PTPRA: variants seen among roughly 807,000 people sequenced by gnomAD.
The protein encoded by PTPRA is receptor-type tyrosine-protein phosphatase alpha.
Under a neutral mutation model 104.8 loss-of-function variants are expected in PTPRA, and 25 were observed. That is an observed-to-expected ratio of 0.24 (90% CI 0.17 to 0.33). PTPRA has a LOEUF of 0.33. Among genes scored for constraint, PTPRA ranks in the 10% least tolerant of loss-of-function variants. The probability of loss-of-function intolerance (pLI) is 1.00; values close to 1 mark genes in which losing one functional copy is unlikely to be tolerated. For synonymous variants in PTPRA, 323 were observed against 368.9 expected, an observed-to-expected ratio of 0.88 and a Z score of 1.43; for missense variants, 765 against 1,015.3, an observed-to-expected ratio of 0.75 and a Z score of 3.35.
chr20:3,031,163 A>G (rs1320069951), intron 20 of PTPRA, among the ~76,000 whole-genome samples: 1 of 152,114 alleles, frequency 6.6e-6, no homozygotes, highest in Non-Finnish European at 1.5e-5. Context: ...GTGAAACCTG[A>G]TAGCATTAGT....
chr20:2,995,702 A>G (rs1218420971), intron 9 of PTPRA, among the ~76,000 whole-genome samples: 2 of 152,232 alleles, frequency 1.3e-5, no homozygotes, highest in Non-Finnish European at 2.9e-5. Flanking sequence ...CAAAATTTGG[A>G]AACCTTAACA....
chr20:2,921,326 T>TC, intron 1 of PTPRA, among the ~76,000 whole-genome samples: 1 of 150,032 alleles, frequency 6.7e-6, no homozygotes, highest in South Asian at 2.1e-4. Flanking sequence ...AATGCGCTTT[T>TC]TTTTTTTTTT....
chr20:2,987,928 A>T, intron 7 of PTPRA, 104 bp from the exon 8 acceptor site: 1 of 1,129,598 alleles, frequency 8.9e-7, no homozygotes, highest in Non-Finnish European at 1.4e-6. Context: ...GATTATTTTT[A>T]AAGGCGATTT....
At chr20:2,904,252 A>G (rs1435474215) in intron 1 of PTPRA, among the ~76,000 whole-genome samples, 1 of 152,156 alleles carries the variant, frequency 6.6e-6, no homozygotes, top group Non-Finnish European at 1.5e-5. Flanking sequence ...TAAGTGCTAC[A>G]CTAGCAGAAT....
chr20:3,034,228 G>T (rs1173412255), intron 20 of PTPRA, among the ~76,000 whole-genome samples: 1 of 152,064 alleles, frequency 6.6e-6, no homozygotes, highest in Non-Finnish European at 1.5e-5. Context: ...TCAAGATCAT[G>T]CCACTGCACT....
intron 2 of PTPRA, among the ~76,000 whole-genome samples, chr20:2,930,951 A>G (rs1287657179): frequency 6.6e-6 from 1 of 152,208 alleles, no homozygotes; most frequent in Admixed American, 6.5e-5. Context: ...GTGGGAAACC[A>G]TTGAAAACTT....
intron 1 of PTPRA, among the ~76,000 whole-genome samples, chr20:2,874,620 G>T (rs955471207): frequency 6.6e-6 from 1 of 152,198 alleles, no homozygotes. Context: ...CAGGCAGCCT[G>T]AGAAACAGAA....
chr20:2,957,717 C>T (rs2061589177), intron 3 of PTPRA, among the ~76,000 whole-genome samples: 1 of 152,060 alleles, frequency 6.6e-6, no homozygotes, highest in Non-Finnish European at 1.5e-5. Flanking sequence ...GATATAGTGA[C>T]TGGGGAGTTA....
intron 1 of PTPRA, among the ~76,000 whole-genome samples, chr20:2,888,948 C>G (rs2058697436): frequency 6.6e-6 from 1 of 152,168 alleles, no homozygotes; most frequent in African/African-American, 2.4e-5. Flanking sequence ...AATTCGGTTT[C>G]CCCAATGTTA....
In PTPRA at chr20:2,975,087, A is replaced by G. The variant is rs1461386801; in HGVS notation, c.416-128A>G. The stretch of plus-strand genomic sequence containing the variant: ...GTGAATCTGGGCAGCCTTGTTTCCC[A>G]GTTGTTGGAGGATGCCTCATGGAGG... On this transcript the variant is annotated intron_variant, in intron 5 of 23. Transcript: ENST00000399903. 3 of 773,096 alleles carry G rather than the reference A, an allele frequency of 3.9e-6. No homozygotes were observed. In the East Asian group the frequency reaches 8.6e-5, roughly 22 times the overall value. The allele number at this position is 773,096 out of a possible 1,614,324, so 47.9% of individuals were successfully genotyped here.
chr20:3,015,197 A>G (rs904035263), intron 11 of PTPRA, among the ~76,000 whole-genome samples: 1 of 152,224 alleles, frequency 6.6e-6, no homozygotes, highest in African/African-American at 2.4e-5. Context: ...GTGGGTTCTT[A>G]ACCTGTTAAC....
chr20:3,017,438 C>T (rs1321523690), intron 12 of PTPRA, among the ~76,000 whole-genome samples: 2 of 152,106 alleles, frequency 1.3e-5, no homozygotes, highest in Admixed American at 1.3e-4. Context: ...CTGATGACAC[C>T]CACCTCAGAG....
intron 1 of PTPRA, among the ~76,000 whole-genome samples, chr20:2,909,160 A>G (rs770800014): frequency 5.9e-5 from 9 of 152,210 alleles, no homozygotes; most frequent in Admixed American, 1.3e-4. Context: ...GTCAGACTGT[A>G]TAATGTACAT....
At chr20:2,902,690 A>G (rs2059282469) in intron 1 of PTPRA, among the ~76,000 whole-genome samples, 1 of 152,244 alleles carries the variant, frequency 6.6e-6, no homozygotes. Flanking sequence ...CCTATAAAAT[A>G]TAGAACAATT....
At chr20:2,896,093 G>A (rs555195602) in intron 1 of PTPRA, among the ~76,000 whole-genome samples, 70 of 152,156 alleles carry the variant, frequency 4.6e-4, no homozygotes, top group Non-Finnish European at 9.3e-4. Context: ...ATGGTCTATA[G>A]GCTGGGCACG....
rs3055404 is a variant in PTPRA at position 2,956,661 on chromosome 20, AAAATAAATAAATAAATAAAT to A, written c.-6-7594_-6-7575del. ...GAGCAAGACCCTGTCTCAGTAAATA[AAAATAAATAAATAAATAAAT>A]AAATAAATAAATAAATCAGCCATAA... is the stretch of plus-strand genomic sequence containing the variant. On this transcript the variant is annotated intron_variant, in intron 3 of 23. Transcript: ENST00000399903. 4.1e-3 allele frequency among the ~76,000 whole-genome samples: 610 copies of A among 150,456 alleles called. 4 individuals are homozygous for A. The highest frequency in any genetic ancestry group is 0.014 in the African/African-American group (569 of 40,952).
At chr20:2,983,647 G>C (rs1267990010) in intron 6 of PTPRA, among the ~76,000 whole-genome samples, 1 of 151,162 alleles carries the variant, frequency 6.6e-6, no homozygotes, top group Non-Finnish European at 1.5e-5. Context: ...AGCTGTGCTA[G>C]ATATAGAAGA....
intron 11 of PTPRA, among the ~76,000 whole-genome samples, chr20:3,011,740 T>G (rs1357090238): frequency 6.6e-6 from 1 of 152,184 alleles, no homozygotes; most frequent in Non-Finnish European, 1.5e-5. Context: ...GTACTTTTCA[T>G]CCACTCTTTT....
intron 3 of PTPRA, among the ~76,000 whole-genome samples, chr20:2,957,948 ATT>A (rs11480557): frequency 1.4e-5 from 2 of 144,480 alleles, no homozygotes; most frequent in Non-Finnish European, 3.1e-5. Context: ...GAGTTATTTG[ATT>A]TTTTTTTTTT....
Sources: gnomAD v4.1 joint callset for allele counts (sites outside exome capture counted in the v4.1 genomes callset) on GRCh38, gnomAD v4.1.1 for gene constraint, MANE v1.5 for transcripts, NCBI Gene and HGNC (gene_info 2026-07-23, HGNC 2026-07-21) for gene names.